Variants in DENND1A observed in about 807,000 individuals in gnomAD.
DENND1A encodes DENN domain containing 1A, also known as DENN domain-containing protein 1A.
DENND1A carries 51 observed loss-of-function variants against 113.7 expected under a neutral mutation model. That is an observed-to-expected ratio of 0.45 (90% CI 0.36 to 0.57). DENND1A has a LOEUF of 0.57. DENND1A is among the 20% of genes least tolerant of loss of function. The probability of loss-of-function intolerance (pLI) is 0.00; values close to 1 mark genes in which losing one functional copy is unlikely to be tolerated. For synonymous variants in DENND1A, 565 were observed against 570.8 expected (o/e 0.99, Z 0.14); for missense variants, 1,258 against 1,395.9 (o/e 0.90, Z 1.57).
chr9:123,478,338 G>C (rs1299660769), intron 13 of DENND1A, among the ~76,000 whole-genome samples: 1 of 152,222 alleles, frequency 6.6e-6, no homozygotes, highest in Non-Finnish European at 1.5e-5. Flanking sequence ...CTGTGCCTGG[G>C]GGCACCATGG....
At chr9:123,665,044 C>T (rs929944565) in intron 8 of DENND1A, among the ~76,000 whole-genome samples, 1 of 152,182 alleles carries the variant, frequency 6.6e-6, no homozygotes, top group Non-Finnish European at 1.5e-5. Flanking sequence ...CTCATGGTAG[C>T]TTCCTCTGTC....
intron 5 of DENND1A, among the ~76,000 whole-genome samples, chr9:123,685,973 C>T (rs1246676813): frequency 2.0e-5 from 3 of 150,616 alleles, no homozygotes; most frequent in Non-Finnish European, 4.4e-5. Flanking sequence ...CTTTCATAGC[C>T]TAGGAAATAC....
chr9:123,797,909 C>T (rs895752028), intron 2 of DENND1A, among the ~76,000 whole-genome samples: 1 of 151,630 alleles, frequency 6.6e-6, no homozygotes, highest in African/African-American at 2.4e-5. Context: ...AGATTTGACT[C>T]TAAAATTTGA....
At chr9:123,436,199 GAA>G (rs1394913355) in intron 19 of DENND1A, among the ~76,000 whole-genome samples, 1 of 152,348 alleles carries the variant, frequency 6.6e-6, no homozygotes, top group East Asian at 1.9e-4. Flanking sequence ...AGAGGAAGAG[GAA>G]GAATGCCTTC....
chr9:123,548,309 C>T (rs2056834880), intron 13 of DENND1A, among the ~76,000 whole-genome samples: 1 of 152,158 alleles, frequency 6.6e-6, no homozygotes, highest in African/African-American at 2.4e-5. Flanking sequence ...CTTTACACTC[C>T]CCCATCAATG....
chr9:123,588,773 G>GTTT (rs113676350), intron 11 of DENND1A, among the ~76,000 whole-genome samples: 12 of 144,770 alleles, frequency 8.3e-5, no homozygotes, highest in African/African-American at 2.0e-4. Context: ...ATTCTATTTT[G>GTTT]TTTTTTTTTT....
At chr9:123,677,420 G>C (rs1479961429) in intron 5 of DENND1A, among the ~76,000 whole-genome samples, 1 of 152,058 alleles carries the variant, frequency 6.6e-6, no homozygotes, top group African/African-American at 2.4e-5. Flanking sequence ...ACTCTGTGTG[G>C]CTTGTTTTTT....
rs144494731 is a variant in DENND1A, at chr9:123,855,900, G to A, written c.88+23051C>T. On this transcript the variant is annotated intron_variant, in intron 2 of 23. Coordinates refer to ENST00000394215, the MANE Select transcript of DENND1A (RefSeq NM_001352964.2). ...TAAAAATAGAAAATTAGTCAGGCAT[G>A]GTGGCACATGCCTGTAATCCCAGCT... Among the ~76,000 whole-genome samples, 20 of 152,218 alleles carry A rather than the reference G, an allele frequency of 1.3e-4. No homozygotes were observed. In the East Asian group the frequency reaches 3.3e-3, roughly 25 times the overall value.
At chr9:123,626,146 G>T (rs756084532) in intron 10 of DENND1A, among the ~76,000 whole-genome samples, 16 of 152,044 alleles carry the variant, frequency 1.1e-4, no homozygotes, top group Admixed American at 4.6e-4. Context: ...TCCTGCCTTG[G>T]CCTCCCAAAG....
At chr9:123,530,843 A>G (rs1182618175) in intron 13 of DENND1A, among the ~76,000 whole-genome samples, 1 of 152,192 alleles carries the variant, frequency 6.6e-6, no homozygotes, top group Admixed American at 6.5e-5. Flanking sequence ...ACATTAAGAG[A>G]TTAACAATAA....
chr9:123,425,793 G>C (rs1462723936), intron 19 of DENND1A, among the ~76,000 whole-genome samples: 1 of 152,256 alleles, frequency 6.6e-6, no homozygotes, highest in Non-Finnish European at 1.5e-5. Context: ...GGAGAAGTCG[G>C]TGGAGGTGGG....
At chr9:123,454,813 A>G (rs1056646066) in intron 15 of DENND1A, 34 bp from the exon 16 acceptor site, 1 of 1,549,422 alleles carries the variant, frequency 6.5e-7, no homozygotes, top group Non-Finnish European at 8.7e-7. Context: ...GCTGTCACTT[A>G]AAGAGGTGAT....
intron 13 of DENND1A, among the ~76,000 whole-genome samples, chr9:123,488,005 G>A (rs2051039036): frequency 6.6e-6 from 1 of 152,196 alleles, no homozygotes; most frequent in Admixed American, 6.5e-5. Context: ...ACCAGCGGCA[G>A]AGCACCCACA....
Position 123,831,486 on chromosome 9 carries a change from C to A in DENND1A, c.89-38856G>T, listed in dbSNP as rs1840200670. 2.0e-5 allele frequency among the ~76,000 whole-genome samples: 3 copies of A among 152,052 alleles called. No homozygotes were observed. In the South Asian group the frequency reaches 6.2e-4, roughly 32 times the overall value. Reference sequence around the variant, plus strand: ...TGAAACTACAAAGACCAATAATAACCAAGAAAAAACTTTTAACAATAACAA... The same window carrying A: ...TGAAACTACAAAGACCAATAATAACAAAGAAAAAACTTTTAACAATAACAA... On this transcript the variant is annotated intron_variant, in intron 2 of 23. Coordinates refer to ENST00000394215, the MANE Select transcript of DENND1A (RefSeq NM_001352964.2).
intron 17 of DENND1A, among the ~76,000 whole-genome samples, 183 bp from the exon 18 acceptor site, chr9:123,450,932 C>A (rs1188018957): frequency 2.6e-5 from 4 of 151,960 alleles, no homozygotes; most frequent in African/African-American, 7.3e-5. Flanking sequence ...TAAAAAAAAA[C>A]CCTTAAAGAG....
chr9:123,478,287 G>A (rs966810313), intron 13 of DENND1A, among the ~76,000 whole-genome samples: 31 of 152,208 alleles, frequency 2.0e-4, no homozygotes, highest in African/African-American at 6.8e-4. Context: ...GGCTTTTGGC[G>A]GTTGTTAGGG....
At chr9:123,575,211 C>G (rs910083212) in intron 12 of DENND1A, among the ~76,000 whole-genome samples, 3 of 152,218 alleles carry the variant, frequency 2.0e-5, no homozygotes, top group African/African-American at 7.2e-5. Flanking sequence ...CTCAGATCAT[C>G]AGGCATTAGA....
Position 123,573,252 on chromosome 9 carries a change from T to C in DENND1A, c.867+9917A>G, listed in dbSNP as rs191592523. Among the ~76,000 whole-genome samples, 202 of 152,306 alleles carry C rather than the reference T, an allele frequency of 1.3e-3. 3 individuals are homozygous for C. The Middle Eastern group carries it at 0.014, about 10-fold the overall frequency. On this transcript the variant is annotated intron_variant, in intron 12 of 23. Coordinates refer to ENST00000394215, the MANE Select transcript of DENND1A (RefSeq NM_001352964.2). ...TTTGTTCTTCTCTTTCAACATTGTT[T>C]TGGCTATTCTAGATCTTTTGCATAT...
intron 1 of DENND1A, among the ~76,000 whole-genome samples, chr9:123,920,206 G>A (rs1174271515): frequency 1.3e-5 from 2 of 152,034 alleles, no homozygotes; most frequent in Admixed American, 6.5e-5. Flanking sequence ...CGAGGCGGGC[G>A]GATCACCTGA....
Sources: gnomAD v4.1 joint callset for allele counts (sites outside exome capture counted in the v4.1 genomes callset) on GRCh38, gnomAD v4.1.1 for gene constraint, MANE v1.5 for transcripts, NCBI Gene and HGNC (gene_info 2026-07-23, HGNC 2026-07-21) for gene names.